TSNARE1: variants seen among roughly 807,000 people sequenced by gnomAD.
TSNARE1 encodes the protein t-SNARE domain containing 1.
A neutral mutation model predicts 62.0 loss-of-function variants in TSNARE1; 49 were observed. The observed-to-expected ratio is 0.79, with a 90% CI of 0.63 to 1.00. TSNARE1 has a LOEUF of 1.00. TSNARE1 is among the 50% of genes least tolerant of loss of function. The pLI is 0.00. For missense variants in TSNARE1, 755 were observed against 700.1 expected, an observed-to-expected ratio of 1.08 and a Z score of -0.88; for synonymous variants, 328 against 294.4, an observed-to-expected ratio of 1.11 and a Z score of -1.17.
chr8:142,228,891 G>A (rs1450294084), intron 13 of TSNARE1, among the ~76,000 whole-genome samples: 2 of 152,078 alleles, frequency 1.3e-5, no homozygotes, highest in African/African-American at 4.8e-5. Flanking sequence ...ACGAACAGAT[G>A]GTGTACAGGT....
chr8:142,226,339 C>T (rs1816769760), intron 13 of TSNARE1, among the ~76,000 whole-genome samples: 1 of 152,188 alleles, frequency 6.6e-6, no homozygotes, highest in Non-Finnish European at 1.5e-5. Context: ...CAGCCTGCGT[C>T]ACAGAGGCGA....
Position 142,274,774 on chromosome 8 carries a change from G to A in TSNARE1, c.1446+7C>T. The A allele has an allele frequency of 6.4e-7, 1 of 1,558,258 alleles. No homozygotes were observed. The highest frequency in any genetic ancestry group is 8.7e-7 in the Non-Finnish European group (1 of 1,152,810). Reference sequence around the variant, plus strand: ...GGCCGGGCACTGTGGCCCTCACACGGACTTACTTGGTGCCGGCTGGCTCCA... The same window carrying A: ...GGCCGGGCACTGTGGCCCTCACACGAACTTACTTGGTGCCGGCTGGCTCCA... On this transcript the variant is annotated splice_region_variant and intron_variant, in intron 12 of 13. Transcript: ENST00000524325.
intron 11 of TSNARE1, chr8:142,279,967 C>A: frequency 8.9e-7 from 1 of 1,120,530 alleles, no homozygotes. Flanking sequence ...GGCGGGGCCG[C>A]CCTCCGCCAG....
intron 13 of TSNARE1, among the ~76,000 whole-genome samples, chr8:142,227,843 G>A (rs1378562869): frequency 6.6e-6 from 1 of 152,270 alleles, no homozygotes; most frequent in Non-Finnish European, 1.5e-5. Flanking sequence ...GGAGGCTACA[G>A]GATAAATTTA....
intron 4 of TSNARE1, among the ~76,000 whole-genome samples, chr8:142,333,775 A>G (rs1831379641): frequency 6.6e-6 from 1 of 152,168 alleles, no homozygotes; most frequent in Admixed American, 6.5e-5. Context: ...ACCTTGCCCC[A>G]GTCCCAGGCC....
intron 12 of TSNARE1, among the ~76,000 whole-genome samples, chr8:142,262,814 G>T (rs1448071761): frequency 2.0e-5 from 3 of 152,170 alleles, no homozygotes; most frequent in Admixed American, 6.5e-5. Context: ...GCAGAACCGT[G>T]AGCCAATCAC....
chr8:142,282,458 C>A (rs1821692923), intron 11 of TSNARE1, among the ~76,000 whole-genome samples: 1 of 151,818 alleles, frequency 6.6e-6, no homozygotes, highest in Non-Finnish European at 1.5e-5. Context: ...TATCAATGAG[C>A]AAAGGGGAGG....
intron 11 of TSNARE1, chr8:142,275,844 G>A (rs1820391392): frequency 1.4e-6 from 1 of 697,382 alleles, no homozygotes; most frequent in Non-Finnish European, 1.7e-6. Context: ...CTGCTGCCAG[G>A]CACAGCCTGG....
intron 1 of TSNARE1, among the ~76,000 whole-genome samples, chr8:142,399,556 A>G (rs1270401277): frequency 6.6e-6 from 1 of 152,162 alleles, no homozygotes; most frequent in African/African-American, 2.4e-5. Flanking sequence ...AGCCAAACAT[A>G]AGCATCCACA....
In TSNARE1 at chr8:142,344,179, G is replaced by A. The variant is rs199791400; in HGVS notation, c.532C>T (p.Arg178Cys). ...LQAVNALGYC[R>C]RDVVDLKHKW... ...TGCTTCAGGTCCACAACGTCGCGGC[G>A]ACAGTAGCCCAGCGCATTCACGGCC... Residue 178 changes from arginine (R) to cysteine (C), a missense_variant, in exon 4 of 14, where the codon CGC becomes TGC. Physicochemically the swap from Arg to Cys is radical, Grantham distance 180. Coordinates refer to ENST00000524325, the MANE Select transcript of TSNARE1 (RefSeq NM_145003.5). The A allele has an allele frequency of 7.1e-5, 115 of 1,613,334 alleles. No homozygotes were observed. The highest frequency in any genetic ancestry group is 9.4e-5 in the Non-Finnish European group (111 of 1,179,894).
At chr8:142,371,299 A>G (rs1258777655) in intron 1 of TSNARE1, among the ~76,000 whole-genome samples, 1 of 152,148 alleles carries the variant, frequency 6.6e-6, no homozygotes, top group Admixed American at 6.5e-5. Context: ...AAACTCTTCC[A>G]TGAAGGGGGA....
chr8:142,272,898 C>T (rs1819836460), intron 12 of TSNARE1: 2 of 984,914 alleles, frequency 2.0e-6, no homozygotes, highest in Non-Finnish European at 2.4e-6. Flanking sequence ...GGGAAGGCCC[C>T]TCGCAGGCAG....
intron 1 of TSNARE1, among the ~76,000 whole-genome samples, chr8:142,368,132 T>TA (rs528049154): frequency 2.6e-4 from 37 of 144,912 alleles, no homozygotes; most frequent in South Asian, 8.8e-4. Flanking sequence ...TCTGCATGGT[T>TA]AAAAAAAAAA....
At chr8:142,376,419 TC>T (rs1836346313) in intron 1 of TSNARE1, among the ~76,000 whole-genome samples, 1 of 152,130 alleles carries the variant, frequency 6.6e-6, no homozygotes, top group Non-Finnish European at 1.5e-5. Flanking sequence ...GGTGAACAGG[TC>T]ATGAGACAAA....
chr8:142,238,045 C>T (rs547206191), intron 12 of TSNARE1, among the ~76,000 whole-genome samples: 1 of 152,222 alleles, frequency 6.6e-6, no homozygotes, highest in East Asian at 1.9e-4. Flanking sequence ...CCTCACCCGA[C>T]CCAGGAAGCA....
At chr8:142,282,595 T>C (rs1237760234) in intron 11 of TSNARE1, among the ~76,000 whole-genome samples, 1 of 125,866 alleles carries the variant, frequency 7.9e-6, no homozygotes, top group South Asian at 2.5e-4. Flanking sequence ...CCAGTGTCTA[T>C]CAATGAGCAG....
intron 11 of TSNARE1, chr8:142,278,804 G>T (rs999447421): frequency 1.9e-5 from 19 of 985,302 alleles, no homozygotes; most frequent in Non-Finnish European, 2.3e-5. Flanking sequence ...TTCCAAGTGG[G>T]CCCAGAGGGA....
chr8:142,252,728 C>T (rs925204941), intron 12 of TSNARE1, among the ~76,000 whole-genome samples: 1 of 152,254 alleles, frequency 6.6e-6, no homozygotes, highest in Non-Finnish European at 1.5e-5. Context: ...CCAGCCACCC[C>T]TGCTGTCTCC....
At chr8:142,221,310 G>GC (rs2129911382) in intron 13 of TSNARE1, among the ~76,000 whole-genome samples, 2 of 152,324 alleles carry the variant, frequency 1.3e-5, no homozygotes, top group African/African-American at 4.8e-5. Context: ...TCTGCCACAT[G>GC]CAAGTATGTG....
Sources: allele counts gnomAD v4.1 joint callset (sites outside exome capture counted in the v4.1 genomes callset), GRCh38; gene constraint gnomAD v4.1.1; transcripts MANE v1.5; gene names NCBI Gene and HGNC (gene_info 2026-07-23, HGNC 2026-07-21).